The following TMCC3 variants were observed in gnomAD, a reference collection of about 807,000 sequenced individuals.
TMCC3 encodes the protein transmembrane and coiled-coil domain family 3, also known as transmembrane and coiled-coil domain protein 3.
TMCC3 carries 28 observed loss-of-function variants against 40.2 expected under a neutral mutation model. The observed-to-expected ratio is 0.70, with a 90% CI of 0.52 to 0.95. The LOEUF (loss-of-function observed/expected upper bound fraction) is 0.95. TMCC3 is among the 40% of genes least tolerant of loss of function. The pLI is 0.00. For synonymous variants in TMCC3, 255 were observed against 248.5 expected (o/e 1.03, Z -0.25); for missense variants, 554 against 615.2 (o/e 0.90, Z 1.05).
intron 1 of TMCC3, among the ~76,000 whole-genome samples, chr12:94,602,244 G>A (rs2068757391): frequency 6.6e-6 from 1 of 152,114 alleles, no homozygotes; most frequent in Non-Finnish European, 1.5e-5. Flanking sequence ...GAATCATTAC[G>A]ACCTTAGCAG....
intron 2 of TMCC3, among the ~76,000 whole-genome samples, chr12:94,579,968 A>G (rs1381747016): frequency 1.3e-5 from 2 of 152,252 alleles, no homozygotes; most frequent in Non-Finnish European, 2.9e-5. Context: ...GACTTAAAAT[A>G]TAATTCTTGT....
intron 1 of TMCC3, among the ~76,000 whole-genome samples, chr12:94,607,663 C>T (rs2068791805): frequency 1.3e-5 from 2 of 152,158 alleles, no homozygotes; most frequent in Non-Finnish European, 1.5e-5. Context: ...ACCTCAGCCT[C>T]CCAAAGTGCT....
intron 3 of TMCC3, among the ~76,000 whole-genome samples, chr12:94,574,504 C>G (rs2068552572): frequency 6.6e-6 from 1 of 152,108 alleles, no homozygotes; most frequent in South Asian, 2.1e-4. Context: ...AACTCATTTG[C>G]CCATCTGTGT....
chr12:94,635,815 C>T lies in TMCC3; in HGVS notation c.78+14538G>A, dbSNP rs529518673. On this transcript the variant is annotated intron_variant, in intron 1 of 3. Transcript: ENST00000261226. ...CCGAGTAGCTGGGATTACAGGTGCCCGCCACCATGCCCAGCTAATTTTTTT... is the reference window on the plus strand; with the variant it reads ...CCGAGTAGCTGGGATTACAGGTGCCTGCCACCATGCCCAGCTAATTTTTTT... Among the ~76,000 whole-genome samples, 39 of 151,946 alleles carry T rather than the reference C, an allele frequency of 2.6e-4. No individual in the cohort carries two copies. In the South Asian group the frequency reaches 7.1e-3, roughly 28 times the overall value.
chr12:94,616,489 A>T (rs1200392197), intron 1 of TMCC3: 1 of 152,358 alleles, frequency 6.6e-6, no homozygotes, highest in Non-Finnish European at 1.5e-5. Flanking sequence ...CTCTCTGTTG[A>T]TTCATTCATG....
chr12:94,647,244 A>G (rs1488340745), intron 1 of TMCC3, among the ~76,000 whole-genome samples: 2 of 152,230 alleles, frequency 1.3e-5, no homozygotes, highest in Non-Finnish European at 2.9e-5. Flanking sequence ...CAGCTTAGCA[A>G]CAATCACAGA....
chr12:94,576,667 A>G (rs1285555179), intron 3 of TMCC3, among the ~76,000 whole-genome samples: 1 of 152,028 alleles, frequency 6.6e-6, no homozygotes, highest in East Asian at 1.9e-4. Context: ...GTTTTTAGAG[A>G]TAGAGGGGTC....
chr12:94,600,014 A>AC (rs1566323484), intron 1 of TMCC3, among the ~76,000 whole-genome samples: 1 of 152,034 alleles, frequency 6.6e-6, no homozygotes, highest in Non-Finnish European at 1.5e-5. Flanking sequence ...ACACAGCAAG[A>AC]CCCCATCTCT....
chr12:94,631,083 T>A (rs1296197), intron 1 of TMCC3, among the ~76,000 whole-genome samples: 68,900 of 152,128 alleles, frequency 0.45, 16,443 homozygotes, highest in Non-Finnish European at 0.53. Context: ...CCACTTGACA[T>A]GTCAAAAAAT....
intron 1 of TMCC3, among the ~76,000 whole-genome samples, chr12:94,635,583 C>G (rs769353545): frequency 2.0e-5 from 3 of 151,074 alleles, no homozygotes; most frequent in Non-Finnish European, 4.4e-5. Context: ...ACTTTGCTAT[C>G]TTTTCCTCTC....
intron 1 of TMCC3, among the ~76,000 whole-genome samples, chr12:94,637,406 G>A (rs1386366938): frequency 1.3e-5 from 2 of 152,134 alleles, no homozygotes; most frequent in African/African-American, 4.8e-5. Flanking sequence ...AATGGGCTAG[G>A]AGTTTTCACC....
intron 3 of TMCC3, among the ~76,000 whole-genome samples, chr12:94,575,218 A>G (rs59954754): frequency 6.6e-6 from 1 of 152,204 alleles, no homozygotes; most frequent in African/African-American, 2.4e-5. Context: ...TAAGAACAAA[A>G]CAAATAAGAA....
At position 94,650,447 on chromosome 12, in the gene TMCC3, C is replaced by G. The variant is rs1456546777; in HGVS notation, c.-17G>C. The G allele has an allele frequency of 7.8e-7, 1 of 1,275,268 alleles. No individual in the cohort carries two copies. 79.0% of individuals were successfully genotyped at this position (1,275,268 alleles called of 1,614,324 possible). A position where few individuals can be genotyped will look rare whatever the true frequency, so the allele number is the denominator to read the frequency against. On this transcript the variant is annotated 5_prime_UTR_variant, in exon 1 of 4. Coordinates refer to ENST00000261226, the MANE Select transcript of TMCC3 (RefSeq NM_020698.4). ...GCCCGGCATCTCCGCGCTCCGGCCG[C>G]GAACTTTCCCGTCTTCTGGGGCTGC... is the stretch of plus-strand genomic sequence containing the variant.
chr12:94,590,182 A>G (rs1566319049), intron 1 of TMCC3, among the ~76,000 whole-genome samples: 1 of 149,570 alleles, frequency 6.7e-6, no homozygotes, highest in Non-Finnish European at 1.5e-5. Context: ...GCTCACTGCA[A>G]ATTCCAATGT....
intron 3 of TMCC3, 26 bp downstream of exon 3, chr12:94,578,368 G>A (rs774599046): frequency 1.2e-6 from 2 of 1,610,850 alleles, no homozygotes; most frequent in South Asian, 1.1e-5. Context: ...GCCCAGGCCT[G>A]TGTCTAATCA....
At position 94,571,500 on chromosome 12, in the gene TMCC3, CA is replaced by C; in HGVS notation, c.1368del (p.Ala457LeufsTer14). On this transcript the variant is annotated frameshift_variant, in exon 4 of 4. Transcript: ENST00000261226. LOFTEE classifies it high-confidence loss of function. ...ILGTFFAVTL[L>X]AIFCKNWDHI... ...TGGTCCCAGTTTTTACAAAATATAG[CA>C]AGAAGAGTCACGGCAAAGAAGGTGC... is the stretch of plus-strand genomic sequence containing the variant. 6.2e-7 allele frequency: 1 copy of C among 1,614,068 alleles called. No individual in the cohort carries two copies. Among genetic ancestry groups the C allele is most frequent in the Non-Finnish European group, 8.5e-7 (1 of 1,180,040 alleles).
chr12:94,580,098 A>G (rs1396893210), intron 2 of TMCC3, among the ~76,000 whole-genome samples: 1 of 152,250 alleles, frequency 6.6e-6, no homozygotes, highest in Non-Finnish European at 1.5e-5. Context: ...ATAAAACAAT[A>G]AGTAAACTAA....
chr12:94,625,260 G>T (rs1054087095), intron 1 of TMCC3, among the ~76,000 whole-genome samples: 3 of 151,498 alleles, frequency 2.0e-5, no homozygotes, highest in Non-Finnish European at 2.9e-5. Flanking sequence ...ATATCTTTTG[G>T]TGGGGGACAC....
In TMCC3 at chr12:94,570,609, T is replaced by G. The variant is rs1429156010; in HGVS notation, c.*826A>C. The G allele has an allele frequency of 6.6e-6, 1 of 152,598 alleles. No homozygotes were observed. The highest frequency in any genetic ancestry group is 1.5e-5 in the Non-Finnish European group (1 of 68,048). The allele number at this position is 152,598 out of a possible 1,614,324, so 9.5% of individuals were successfully genotyped here. A position where few individuals can be genotyped will look rare whatever the true frequency, so the allele number is the denominator to read the frequency against. ...CCCTGTCTCAAAAAAGAAAAAAGATTTGCCAAAACACAAACCTTCAGAGTA... is the reference window on the plus strand; with the variant it reads ...CCCTGTCTCAAAAAAGAAAAAAGATGTGCCAAAACACAAACCTTCAGAGTA... On this transcript the variant is annotated 3_prime_UTR_variant, in exon 4 of 4. Coordinates refer to ENST00000261226, the MANE Select transcript of TMCC3 (RefSeq NM_020698.4).
Sources: allele counts gnomAD v4.1 joint callset (sites outside exome capture counted in the v4.1 genomes callset), GRCh38; gene constraint gnomAD v4.1.1; transcripts MANE v1.5; gene names NCBI Gene and HGNC (gene_info 2026-07-23, HGNC 2026-07-21).